NDUFAF6: variants seen among roughly 807,000 people sequenced by gnomAD.
The protein encoded by NDUFAF6 is NADH:ubiquinone oxidoreductase complex assembly factor 6.
NDUFAF6 carries 45 observed loss-of-function variants against 40.8 expected under a neutral mutation model. That is an observed-to-expected ratio of 1.10 (90% CI 0.87 to 1.42). NDUFAF6 has a LOEUF of 1.42. NDUFAF6 is among the 40% of genes most tolerant of loss of function. The pLI, the probability that NDUFAF6 is intolerant of heterozygous loss-of-function variation, is 0.00. For synonymous variants in NDUFAF6, 185 were observed against 155.9 expected, an observed-to-expected ratio of 1.19 and a Z score of -1.39; for missense variants, 435 against 418.5, an observed-to-expected ratio of 1.04 and a Z score of -0.34.
At chr8:94,959,210 G>A (rs573684262) in intron 1 of NDUFAF6, among the ~76,000 whole-genome samples, 1 of 152,318 alleles carries the variant, frequency 6.6e-6, no homozygotes, top group South Asian at 2.1e-4. Context: ...CTCACTCTGA[G>A]ACTCTCCAGT....
chr8:95,039,434 A>G (rs1425528308), intron 3 of NDUFAF6, among the ~76,000 whole-genome samples: 2 of 151,230 alleles, frequency 1.3e-5, no homozygotes, highest in Non-Finnish European at 2.9e-5. Flanking sequence ...GCCTGGCGAC[A>G]AAGCGAGACT....
chr8:95,004,754 A>G (rs1826886171), intron 2 of NDUFAF6, among the ~76,000 whole-genome samples: 1 of 152,208 alleles, frequency 6.6e-6, no homozygotes, highest in Non-Finnish European at 1.5e-5. Context: ...TGCACCAGGG[A>G]AAAACAGAAA....
chr8:95,087,100 A>G (rs974758032), intron 2 of NDUFAF6, among the ~76,000 whole-genome samples: 2 of 152,020 alleles, frequency 1.3e-5, no homozygotes, highest in African/African-American at 4.8e-5. Context: ...TGCATGGTGC[A>G]TATTTTTGGT....
intron 1 of NDUFAF6, among the ~76,000 whole-genome samples, chr8:94,914,207 T>C (rs1157397863): frequency 6.6e-6 from 1 of 151,772 alleles, no homozygotes. Context: ...GGTTTTATAG[T>C]TTTAGTGGAT....
At chr8:95,066,093 CTATA>C (rs1420574742) in intron 9 of NDUFAF6, among the ~76,000 whole-genome samples, 3 of 151,986 alleles carry the variant, frequency 2.0e-5, no homozygotes, top group Admixed American at 2.0e-4. Context: ...TACTCAATTT[CTATA>C]TATATCTGAG....
At chr8:95,103,087 A>G (rs1332436795) in exon 3 of NDUFAF6, 1 of 152,194 alleles carries the variant, frequency 6.6e-6, no homozygotes, top group Non-Finnish European at 1.5e-5. Flanking sequence ...GTCCCCCAGC[A>G]TTATGCCAGA....
At chr8:95,061,191 T>C (rs566654337), downstream of NDUFAF6, among the ~76,000 whole-genome samples, 1 of 152,318 alleles carries the variant, frequency 6.6e-6, no homozygotes, top group South Asian at 2.1e-4. Flanking sequence ...TTCAGAGTTC[T>C]TAGGAAAGTT....
intron 2 of NDUFAF6, among the ~76,000 whole-genome samples, chr8:95,002,409 C>T (rs1159001347): frequency 2.0e-5 from 3 of 152,198 alleles, no homozygotes; most frequent in Non-Finnish European, 2.9e-5. Flanking sequence ...CAAAAACTAA[C>T]ACATACAAGT....
chr8:95,052,301 A>G (rs942750070), intron 8 of NDUFAF6, 71 bp downstream of exon 8: 1 of 1,516,954 alleles, frequency 6.6e-7, no homozygotes, highest in Non-Finnish European at 9.1e-7. Context: ...TATATTTTAT[A>G]AAGTTCCCAA....
intron 2 of NDUFAF6, among the ~76,000 whole-genome samples, chr8:94,995,800 C>T (rs1159320272): frequency 4.6e-5 from 7 of 152,000 alleles, no homozygotes; most frequent in Non-Finnish European, 1.0e-4. Context: ...TTTTTTGAGA[C>T]GGAGTCTCGC....
chr8:94,922,728 C>T (rs557611042), intron 1 of NDUFAF6, among the ~76,000 whole-genome samples: 4 of 152,296 alleles, frequency 2.6e-5, no homozygotes, highest in Non-Finnish European at 5.9e-5. Flanking sequence ...ATCCACCCAC[C>T]TCGGCCTCCC....
intron 2 of NDUFAF6, among the ~76,000 whole-genome samples, chr8:94,997,071 G>A (rs1004685745): frequency 9.9e-5 from 15 of 152,138 alleles, no homozygotes; most frequent in Non-Finnish European, 1.6e-4. Flanking sequence ...TTTTGGAAAA[G>A]AACTTATGTT....
intron 2 of NDUFAF6, among the ~76,000 whole-genome samples, chr8:95,094,360 CTTTCT>C (rs1236551468): frequency 7.8e-6 from 1 of 128,476 alleles, no homozygotes; most frequent in Non-Finnish European, 1.6e-5. Context: ...TTCTTTCCTT[CTTTCT>C]TTTCTTTTCT....
At chr8:95,080,663 T>TG (rs1808821734), downstream of NDUFAF6, among the ~76,000 whole-genome samples, 11 of 43,184 alleles carry the variant, frequency 2.5e-4, no homozygotes, top group Admixed American at 1.6e-3. Context: ...AGTGTATTTT[T>TG]GTAGTGTATT....
At chr8:95,038,058 A>T (rs114885678) in intron 3 of NDUFAF6, among the ~76,000 whole-genome samples, 3,459 of 151,782 alleles carry the variant, frequency 0.023, 127 homozygotes, top group African/African-American at 0.08. Flanking sequence ...TAATTAAAAA[A>T]TTTTTTTTCT....
intron 2 of NDUFAF6, among the ~76,000 whole-genome samples, chr8:95,015,974 A>C (rs776270796): frequency 6.6e-6 from 1 of 152,218 alleles, no homozygotes; most frequent in Non-Finnish European, 1.5e-5. Flanking sequence ...AAAGAGCTTA[A>C]GATATCACCA....
chr8:95,100,586 C>A (rs1382852439), intron 1 of NDUFAF6: 1 of 152,088 alleles, frequency 6.6e-6, no homozygotes, highest in Non-Finnish European at 1.5e-5. Flanking sequence ...ATCCTGTATG[C>A]GAGAGCTAGC....
chr8:95,106,942 T>G (rs1809857598), downstream of NDUFAF6, among the ~76,000 whole-genome samples: 1 of 152,212 alleles, frequency 6.6e-6, no homozygotes, highest in Non-Finnish European at 1.5e-5. Flanking sequence ...AGATACCATC[T>G]TACACCAGTT....
intron 2 of NDUFAF6, among the ~76,000 whole-genome samples, chr8:95,018,502 A>T (rs192519107): frequency 9.7e-4 from 147 of 152,198 alleles, no homozygotes; most frequent in Middle Eastern, 3.4e-3. Flanking sequence ...AAGCCAGGGG[A>T]TAAATACAAA....
Sources: allele counts gnomAD v4.1 joint callset (sites outside exome capture counted in the v4.1 genomes callset), GRCh38; gene constraint gnomAD v4.1.1; transcripts MANE v1.5; gene names NCBI Gene and HGNC (gene_info 2026-07-23, HGNC 2026-07-21).